Variants in COL5A1 observed in about 807,000 individuals in gnomAD.
COL5A1 encodes the protein collagen alpha-1(V) chain.
COL5A1 carries 16 observed loss-of-function variants against 263.7 expected under a neutral mutation model. That is an observed-to-expected ratio of 0.06 (90% CI 0.04 to 0.09). The LOEUF (loss-of-function observed/expected upper bound fraction) is 0.09. COL5A1 is among the 10% of genes least tolerant of loss of function. The probability of loss-of-function intolerance (pLI) is 1.00; values close to 1 mark genes in which losing one functional copy is unlikely to be tolerated. For missense variants in COL5A1, 2,036 were observed against 2,540.5 expected (o/e 0.80, Z 4.27); for synonymous variants, 1,012 against 1,004.5 (o/e 1.01, Z -0.14).
chr9:134,823,814 A>G (rs184383811), intron 61 of COL5A1, among the ~76,000 whole-genome samples: 1 of 152,114 alleles, frequency 6.6e-6, no homozygotes, highest in African/African-American at 2.4e-5. Flanking sequence ...TGCATCCTGT[A>G]TATGTGCATG....
intron 27 of COL5A1, among the ~76,000 whole-genome samples, chr9:134,775,262 C>T (rs1350633445): frequency 2.0e-5 from 3 of 152,264 alleles, no homozygotes; most frequent in African/African-American, 4.8e-5. Context: ...TGTCACTCTC[C>T]TCGCAGACAG....
chr9:134,795,590 G>A (rs929088730), intron 34 of COL5A1, among the ~76,000 whole-genome samples: 4 of 152,158 alleles, frequency 2.6e-5, no homozygotes, highest in South Asian at 2.1e-4. Context: ...CCCCAAAGAC[G>A]GCAGCAGGGG....
intron 32 of COL5A1, among the ~76,000 whole-genome samples, chr9:134,791,721 C>A (rs1338232064): frequency 7.0e-6 from 1 of 143,796 alleles, no homozygotes. Context: ...CCAGGTTTCG[C>A]CCTTGGCCGC....
intron 32 of COL5A1, among the ~76,000 whole-genome samples, chr9:134,791,492 G>C (rs1021867004): frequency 6.6e-6 from 1 of 151,912 alleles, no homozygotes. Flanking sequence ...TTCTGGACAG[G>C]GTTGATGCTT....
intron 64 of COL5A1, among the ~76,000 whole-genome samples, chr9:134,833,354 C>A (rs1248077768): frequency 6.6e-6 from 1 of 152,220 alleles, no homozygotes; most frequent in East Asian, 1.9e-4. Flanking sequence ...GTCCTGGATA[C>A]CCAGCTAGTG....
At chr9:134,708,640 G>A (rs773177257) in intron 4 of COL5A1, 8 of 518,860 alleles carry the variant, frequency 1.5e-5, no homozygotes, top group South Asian at 1.1e-4. Flanking sequence ...AGCAGGTGAA[G>A]GGCAGAGGCC....
chr9:134,742,532 G>A lies in COL5A1; in HGVS notation c.1494+3724G>A, dbSNP rs1349173759. Among the ~76,000 whole-genome samples the A allele has an allele frequency of 6.6e-6, 1 of 152,176 alleles. No homozygotes were observed. The highest frequency in any genetic ancestry group is 2.4e-5 in the African/African-American group (1 of 41,428). On this transcript the variant is annotated intron_variant, in intron 11 of 65. Transcript: ENST00000371817. This position sits in a 1 kb window ranked among gnomAD's most constrained non-coding sequence, Gnocchi z 4.6. The stretch of plus-strand genomic sequence containing the variant: ...GCAGGGAGATAGAGGTAGACCTGGG[G>A]TTGAACTCAGATCTCCTGTGGCAGA...
At chr9:134,651,048 C>T (rs1020899867) in intron 1 of COL5A1, among the ~76,000 whole-genome samples, 95 of 152,222 alleles carry the variant, frequency 6.2e-4, no homozygotes, top group African/African-American at 2.1e-3. Context: ...CGTGGCTCCG[C>T]TCCCTCCTGT....
chr9:134,747,723 A>G (rs907541259), intron 11 of COL5A1, among the ~76,000 whole-genome samples: 4 of 151,816 alleles, frequency 2.6e-5, no homozygotes, highest in Non-Finnish European at 4.4e-5. Flanking sequence ...ACACACATGC[A>G]GACACATGCA....
intron 11 of COL5A1, among the ~76,000 whole-genome samples, chr9:134,744,695 A>C (rs1037009444): frequency 1.3e-5 from 2 of 151,100 alleles, no homozygotes; most frequent in Admixed American, 1.3e-4. Flanking sequence ...ATGCATGCAC[A>C]CACCCATACA....
intron 11 of COL5A1, among the ~76,000 whole-genome samples, chr9:134,739,529 C>G (rs908833464): frequency 2.0e-5 from 3 of 152,188 alleles, no homozygotes; most frequent in Non-Finnish European, 4.4e-5. Flanking sequence ...AGTGAGGACC[C>G]TGTGGGTGTT....
chr9:134,720,148 G>A lies in COL5A1; in HGVS notation c.655-7118G>A, dbSNP rs1280521175. On this transcript the variant is annotated intron_variant, in intron 4 of 65. Transcript: ENST00000371817. ...ACTGGGCAATTCTGACCTACAGCCG[G>A]CCTCTTAGAGACCCAGGGTTGGGTC... 2.6e-5 allele frequency among the ~76,000 whole-genome samples: 4 copies of A among 152,330 alleles called. No homozygotes were observed. The East Asian group carries it at 5.8e-4, about 22-fold the overall frequency.
intron 13 of COL5A1, among the ~76,000 whole-genome samples, chr9:134,752,229 G>A (rs1159904009): frequency 6.6e-6 from 1 of 151,144 alleles, no homozygotes; most frequent in Non-Finnish European, 1.5e-5. Context: ...TACTCCCTAT[G>A]CCCAGAGTAA....
At chr9:134,767,909 G>A (rs1008995436) in intron 24 of COL5A1, among the ~76,000 whole-genome samples, 10 of 152,160 alleles carry the variant, frequency 6.6e-5, no homozygotes, top group African/African-American at 1.2e-4. Context: ...GAGAATCCCC[G>A]GGGGGCCTGA....
Position 134,758,204 on chromosome 9 carries a change from A to G in COL5A1, c.1882-39A>G, listed in dbSNP as rs1202964419. ...ACCAAGGCGGGGTGTCCACGTGTGC[A>G]GGGTGGCGTCTGAGGCAGCCTTTCT... On this transcript the variant is annotated intron_variant, in intron 17 of 65. Coordinates refer to ENST00000371817, the MANE Select transcript of COL5A1 (RefSeq NM_000093.5). The surrounding 1 kb of genome is among the most constrained non-coding windows in gnomAD (Gnocchi z 4.1). The G allele has an allele frequency of 6.2e-7, 1 of 1,611,878 alleles. No homozygotes were observed. The highest frequency in any genetic ancestry group is 8.5e-7 in the Non-Finnish European group (1 of 1,178,390).
At chr9:134,839,263 C>T (rs192671398) in intron 65 of COL5A1, among the ~76,000 whole-genome samples, 84 of 152,334 alleles carry the variant, frequency 5.5e-4, no homozygotes, top group East Asian at 2.3e-3. Context: ...CAGCTTTCGG[C>T]GCCTCTGGGG....
At chr9:134,738,341 G>A (rs1227098283) in intron 9 of COL5A1, 133 bp from the exon 10 acceptor site, 24 of 969,282 alleles carry the variant, frequency 2.5e-5, no homozygotes, top group Middle Eastern at 2.8e-4. Context: ...GTCTGTGCTC[G>A]TGACTCCCCA....
Position 134,681,328 on chromosome 9 carries a change from TACAA to T in COL5A1, c.110-9580_110-9577del, listed in dbSNP as rs1045150943. On this transcript the variant is annotated intron_variant, in intron 1 of 65. Transcript: ENST00000371817. This position sits in a 1 kb window ranked among gnomAD's most constrained non-coding sequence, Gnocchi z 4.3. ...CCTTCCCCGGCTCTGCAGGGCCCTT[TACAA>T]ACAGAGCAAATTGATGGCTTCGTGA... Among the ~76,000 whole-genome samples the T allele has an allele frequency of 2.0e-5, 3 of 152,204 alleles. No individual in the cohort carries two copies. The highest frequency in any genetic ancestry group is 4.4e-5 in the Non-Finnish European group (3 of 68,030).
rs770800725 is a variant in COL5A1 at position 134,818,973 on chromosome 9, C to T, written c.4393-27C>T. ...CCACCCAAAGCCCCAAGGATGAGGA[C>T]TCTGATCCCCCTGCCTCCTCCCACA... is the stretch of plus-strand genomic sequence containing the variant. On this transcript the variant is annotated intron_variant, in intron 56 of 65. Coordinates refer to ENST00000371817, the MANE Select transcript of COL5A1 (RefSeq NM_000093.5). This position sits in a 1 kb window ranked among gnomAD's most constrained non-coding sequence, Gnocchi z 6.0. 2 of 1,613,220 alleles carry T rather than the reference C, an allele frequency of 1.2e-6. No homozygotes were observed. Among genetic ancestry groups the T allele is most frequent in the Non-Finnish European group, 1.7e-6 (2 of 1,179,774 alleles).
Sources: allele counts gnomAD v4.1 joint callset (sites outside exome capture counted in the v4.1 genomes callset), GRCh38; gene constraint gnomAD v4.1.1; non-coding constraint Gnocchi (gnomAD v3.1); transcripts MANE v1.5; gene names NCBI Gene and HGNC (gene_info 2026-07-23, HGNC 2026-07-21).